The following KLHL3 variants were observed in gnomAD, a reference collection of about 807,000 sequenced individuals.
KLHL3 encodes the protein kelch like family member 3.
Under a neutral mutation model 70.5 loss-of-function variants are expected in KLHL3, and 19 were observed. The ratio of observed to expected loss-of-function variants is 0.27; its 90% confidence interval spans 0.19 to 0.40. KLHL3 has a LOEUF of 0.40. Ranked by LOEUF, KLHL3 falls within the 10% of genes least tolerant of loss-of-function variation. The pLI, the probability that KLHL3 is intolerant of heterozygous loss-of-function variation, is 1.00. For synonymous variants in KLHL3, 258 were observed against 290.3 expected (o/e 0.89, Z 1.13); for missense variants, 512 against 771.1 (o/e 0.66, Z 3.98).
At chr5:137,684,518 C>T (rs1752115573) in intron 5 of KLHL3, among the ~76,000 whole-genome samples, 1 of 152,134 alleles carries the variant, frequency 6.6e-6, no homozygotes, top group African/African-American at 2.4e-5. Flanking sequence ...GCTTTTCCAT[C>T]CCATGGCTGG....
intron 8 of KLHL3, among the ~76,000 whole-genome samples, chr5:137,651,756 CA>C (rs1212330098): frequency 6.6e-6 from 1 of 152,122 alleles, no homozygotes; most frequent in Non-Finnish European, 1.5e-5. Flanking sequence ...CTCACAAAAA[CA>C]ACTTTGAAGA....
intron 6 of KLHL3, 66 bp from the exon 7 acceptor site, chr5:137,662,097 TG>T: frequency 6.8e-6 from 3 of 439,884 alleles, no homozygotes; most frequent in Non-Finnish European, 1.1e-5. Flanking sequence ...ACCCTCAATC[TG>T]TAAAAAAAAA....
chr5:137,724,823 G>T (rs1561621307), intron 1 of KLHL3, among the ~76,000 whole-genome samples: 1 of 152,178 alleles, frequency 6.6e-6, no homozygotes, highest in Non-Finnish European at 1.5e-5. Context: ...GAACATCTGA[G>T]GGCCCAGAGA....
intron 6 of KLHL3, among the ~76,000 whole-genome samples, chr5:137,668,073 A>G (rs1156471587): frequency 6.6e-6 from 1 of 152,172 alleles, no homozygotes; most frequent in Non-Finnish European, 1.5e-5. Context: ...CCATGCTCAA[A>G]CATTATGCAA....
chr5:137,649,716 G>A (rs549822755), intron 8 of KLHL3, among the ~76,000 whole-genome samples: 1 of 152,242 alleles, frequency 6.6e-6, no homozygotes, highest in Admixed American at 6.5e-5. Context: ...GCAAAATGGG[G>A]ATAATTACAG....
At chr5:137,651,270 G>C (rs919552222) in intron 8 of KLHL3, among the ~76,000 whole-genome samples, 16 of 152,222 alleles carry the variant, frequency 1.1e-4, no homozygotes, top group Non-Finnish European at 1.9e-4. Flanking sequence ...CTCTAGAAGA[G>C]AGCCCTAAAT....
At chr5:137,715,025 G>C (rs1752867272) in intron 2 of KLHL3, among the ~76,000 whole-genome samples, 1 of 152,206 alleles carries the variant, frequency 6.6e-6, no homozygotes, top group South Asian at 2.1e-4. Context: ...GGCCTGGTTA[G>C]GATGTGCTAT....
intron 5 of KLHL3, among the ~76,000 whole-genome samples, chr5:137,686,149 C>T (rs974967003): frequency 2.0e-5 from 3 of 152,156 alleles, no homozygotes; most frequent in African/African-American, 7.2e-5. Flanking sequence ...ACAGGACATA[C>T]CTGCCTGCAC....
chr5:137,638,306 G>A (rs2149884403), intron 10 of KLHL3, among the ~76,000 whole-genome samples: 1 of 152,270 alleles, frequency 6.6e-6, no homozygotes, highest in African/African-American at 2.4e-5. Context: ...AAAAAATACT[G>A]CTTTTTACCT....
chr5:137,663,056 C>CA (rs1751521849), intron 6 of KLHL3, among the ~76,000 whole-genome samples: 1 of 77,928 alleles, frequency 1.3e-5, no homozygotes, highest in African/African-American at 5.4e-5. Context: ...AGCACTCGTT[C>CA]TTTTTTTTTT....
chr5:137,665,533 G>A (rs1352197538), intron 6 of KLHL3, among the ~76,000 whole-genome samples: 2 of 152,146 alleles, frequency 1.3e-5, no homozygotes, highest in Non-Finnish European at 2.9e-5. Context: ...AAATGTTAAT[G>A]GTGAGTTTAG....
chr5:137,697,290 A>G (rs747559567), intron 4 of KLHL3, among the ~76,000 whole-genome samples: 2 of 151,964 alleles, frequency 1.3e-5, no homozygotes, highest in African/African-American at 2.4e-5. Flanking sequence ...CGGCCTCCCA[A>G]GTAGATGGAA....
chr5:137,680,449 T>C (rs1751994459), intron 5 of KLHL3, among the ~76,000 whole-genome samples: 1 of 152,180 alleles, frequency 6.6e-6, no homozygotes, highest in Non-Finnish European at 1.5e-5. Context: ...TAATTCATTT[T>C]GACAGCTTTA....
intron 2 of KLHL3, among the ~76,000 whole-genome samples, chr5:137,712,455 G>A (rs1752812003): frequency 6.6e-6 from 1 of 152,180 alleles, no homozygotes; most frequent in Non-Finnish European, 1.5e-5. Context: ...ACACTAACCT[G>A]GGAAATTGGC....
chr5:137,628,035 T>A, intron 13 of KLHL3: 2 of 478,012 alleles, frequency 4.2e-6, no homozygotes, highest in Non-Finnish European at 7.6e-6. Context: ...TCTGTGCTCA[T>A]CTGTGTGCGG....
chr5:137,726,604 G>A (rs1225343823), intron 1 of KLHL3, among the ~76,000 whole-genome samples: 2 of 152,168 alleles, frequency 1.3e-5, no homozygotes, highest in African/African-American at 4.8e-5. Flanking sequence ...ATAGAATTCT[G>A]CCTTGTGCCT....
intron 7 of KLHL3, among the ~76,000 whole-genome samples, chr5:137,659,290 C>T (rs1342467287): frequency 6.6e-6 from 1 of 152,200 alleles, no homozygotes; most frequent in African/African-American, 2.4e-5. Context: ...GGCCTCCCAC[C>T]TCAATTATCT....
intron 1 of KLHL3, among the ~76,000 whole-genome samples, chr5:137,724,883 G>A (rs904554334): frequency 2.4e-4 from 37 of 152,104 alleles, no homozygotes; most frequent in African/African-American, 7.5e-4. Context: ...GGTAGAGATG[G>A]GATCTGAGTT....
chr5:137,671,969 T>G (rs1221421763), intron 6 of KLHL3: 3 of 152,014 alleles, frequency 2.0e-5, no homozygotes, highest in Admixed American at 2.0e-4. Flanking sequence ...AAAAAAAAAA[T>G]GATGAGTGAA....
Sources: gnomAD v4.1 joint callset for allele counts (sites outside exome capture counted in the v4.1 genomes callset) on GRCh38, gnomAD v4.1.1 for gene constraint, MANE v1.5 for transcripts, NCBI Gene and HGNC (gene_info 2026-07-23, HGNC 2026-07-21) for gene names.